The following TRANK1 variants were observed in gnomAD, a reference collection of about 807,000 sequenced individuals.
TRANK1 encodes tetratricopeptide repeat and ankyrin repeat containing 1.
A neutral mutation model predicts 266.0 loss-of-function variants in TRANK1; 198 were observed. That is an observed-to-expected ratio of 0.74 (90% CI 0.66 to 0.84). The LOEUF (loss-of-function observed/expected upper bound fraction) is 0.84. TRANK1 is among the 40% of genes least tolerant of loss of function. TRANK1 has a pLI of 0.00. For missense variants in TRANK1, 3,326 were observed against 3,634.6 expected (o/e 0.92, Z 2.18); for synonymous variants, 1,396 against 1,384.1 (o/e 1.01, Z -0.19).
At chr3:36,912,874 T>C (rs2080072001) in intron 1 of TRANK1, among the ~76,000 whole-genome samples, 2 of 60,462 alleles carry the variant, frequency 3.3e-5, no homozygotes, top group South Asian at 7.5e-4. Flanking sequence ...TTGTTTACTT[T>C]TTTATTTTAT....
intron 6 of TRANK1, 68 bp from the exon 7 acceptor site, chr3:36,892,408 T>C: frequency 6.6e-7 from 1 of 1,508,550 alleles, no homozygotes; most frequent in Non-Finnish European, 8.9e-7. Context: ...CAAACTCCTT[T>C]ACCCATAAAG....
In TRANK1 at chr3:36,855,819, G is replaced by A. The variant is rs1406873952; in HGVS notation, c.3903C>T (p.Tyr1301=). The change falls in exon 13 of 24, where the codon TAC becomes TAT. Residue 1301 remains tyrosine, a synonymous_variant. Coordinates refer to ENST00000645898, the MANE Select transcript of TRANK1 (RefSeq NM_001329998.2). The part of the protein sequence containing the change: ...DEEEAEVDGD[Y]SEEDKAVEMR... ...TTTCTACAGCTTTATCCTCCTCACT[G>A]TAGTCCCCATCCACCTCAGCCTCCT... 3 of 1,613,532 alleles carry A rather than the reference G, an allele frequency of 1.9e-6. No individual in the cohort carries two copies. Among genetic ancestry groups the A allele is most frequent in the Admixed American group, 3.3e-5 (2 of 59,946 alleles).
rs1270683765 is a variant in TRANK1 at position 36,895,692 on chromosome 3, G to A, written c.500C>T (p.Thr167Ile). The A allele has an allele frequency of 6.5e-7, 1 of 1,536,546 alleles. No individual in the cohort carries two copies. The highest frequency in any genetic ancestry group is 8.7e-7 in the Non-Finnish European group (1 of 1,146,750). Reference sequence around the variant, plus strand: ...TTCTATTACAGATTGCCACACTTCTGTTGGGAATCCAGTTGTGAAAATATG... The same window carrying A: ...TTCTATTACAGATTGCCACACTTCTATTGGGAATCCAGTTGTGAAAATATG... ...FDHIFTTGFP[T>I]EVWQSVIEKL... Residue 167 changes from threonine to isoleucine, a missense_variant, in exon 5 of 24, where the codon ACA (threonine) becomes ATA (isoleucine). Thr to Ile is a moderately conservative substitution (Grantham distance 89). Transcript: ENST00000645898.
intron 20 of TRANK1, among the ~76,000 whole-genome samples, chr3:36,837,987 G>A (rs1322758201): frequency 4.6e-5 from 7 of 152,084 alleles, no homozygotes; most frequent in South Asian, 2.1e-4. Context: ...GAACACAGCC[G>A]AGGAACCTCC....
chr3:36,850,184 C>T (rs1032751949), intron 15 of TRANK1: 2 of 985,306 alleles, frequency 2.0e-6, no homozygotes, highest in Admixed American at 1.2e-4. Context: ...CTCAGTCCAA[C>T]CATGACCGAT....
intron 8 of TRANK1, among the ~76,000 whole-genome samples, chr3:36,886,523 A>C (rs1469877889): frequency 6.6e-6 from 1 of 152,218 alleles, no homozygotes; most frequent in African/African-American, 2.4e-5. Flanking sequence ...TTAGAGTGTA[A>C]GCCACATATG....
chr3:36,829,634 G>A lies in TRANK1; in HGVS notation c.8739C>T (p.Asn2913=). The change falls in exon 23 of 24, where the codon AAC becomes AAT. Residue 2913 remains asparagine (N), a synonymous_variant. Transcript: ENST00000645898. Reference sequence around the variant, plus strand: ...CATCCCTGACTGACAGGATCAGAATGTTGACCAGCCGAGTCATCGCCTCCT... The same window carrying A: ...CATCCCTGACTGACAGGATCAGAATATTGACCAGCCGAGTCATCGCCTCCT... The part of the protein sequence containing the change: ...GAEEAMTRLV[N]ILILSVRDAR... 8.7e-6 allele frequency: 14 copies of A among 1,613,948 alleles called. No individual in the cohort carries two copies. Among genetic ancestry groups the A allele is most frequent in the Non-Finnish European group, 1.2e-5 (14 of 1,179,892 alleles).
chr3:36,902,020 A>T (rs1227593848), intron 3 of TRANK1, among the ~76,000 whole-genome samples: 1 of 152,194 alleles, frequency 6.6e-6, no homozygotes, highest in African/African-American at 2.4e-5. Context: ...TCTAAAGCAG[A>T]GGTATCCAAT....
chr3:36,866,592 G>A (rs2079231118), intron 9 of TRANK1, among the ~76,000 whole-genome samples: 1 of 152,210 alleles, frequency 6.6e-6, no homozygotes, highest in Non-Finnish European at 1.5e-5. Context: ...AGTGGTCCCT[G>A]TGCAAGGCAA....
intron 1 of TRANK1, among the ~76,000 whole-genome samples, 164 bp downstream of exon 1, chr3:36,944,623 G>A (rs932612733): frequency 6.6e-6 from 1 of 152,120 alleles, no homozygotes; most frequent in African/African-American, 2.4e-5. Flanking sequence ...CAACTGGCTC[G>A]GGTCTGCACC....
rs775876620 is a variant in TRANK1 at position 36,857,841 on chromosome 3, C to T, written c.1881G>A (p.Glu627=). ...TAATCCGGTGCCGTGCATCTTTGCC[C>T]TCTTTGTTCTTCAGATTGAAGTTGA... is the stretch of plus-strand genomic sequence containing the variant. ...FDINFNLKNK[E]GKDARHRIKK... The change falls in exon 13 of 24, where the codon GAG becomes GAA. Residue 627 remains glutamate (E), a synonymous_variant. Transcript: ENST00000645898. This position sits in a 1 kb window ranked among gnomAD's most constrained non-coding sequence, Gnocchi z 4.3. The T allele has an allele frequency of 1.9e-6, 3 of 1,613,886 alleles. No individual in the cohort carries two copies. The highest frequency in any genetic ancestry group is 2.2e-5 in the South Asian group (2 of 91,084).
chr3:36,881,932 A>C (rs1206062176), intron 8 of TRANK1, among the ~76,000 whole-genome samples: 1 of 152,264 alleles, frequency 6.6e-6, no homozygotes, highest in African/African-American at 2.4e-5. Context: ...CTTCCTTTTT[A>C]TGGTTGAATA....
chr3:36,936,177 C>T (rs1432721260), intron 1 of TRANK1, among the ~76,000 whole-genome samples: 1 of 152,084 alleles, frequency 6.6e-6, no homozygotes, highest in Non-Finnish European at 1.5e-5. Context: ...AAAACAGTAG[C>T]ATTTGCACGC....
chr3:36,889,292 C>G (rs183206266), intron 8 of TRANK1, among the ~76,000 whole-genome samples: 2 of 152,280 alleles, frequency 1.3e-5, no homozygotes, highest in Admixed American at 1.3e-4. Flanking sequence ...AGAGTGAACA[C>G]AGCCTTCCTG....
chr3:36,829,864 A>G (rs968653757), intron 22 of TRANK1, among the ~76,000 whole-genome samples: 6 of 152,136 alleles, frequency 3.9e-5, no homozygotes, highest in African/African-American at 9.7e-5. Context: ...GCCTGACACC[A>G]TTACTGTCTG....
intron 8 of TRANK1, among the ~76,000 whole-genome samples, chr3:36,887,588 C>T (rs2079625237): frequency 6.6e-6 from 1 of 152,188 alleles, no homozygotes; most frequent in African/African-American, 2.4e-5. Flanking sequence ...TTTCTTAAAA[C>T]ATTGTGAGAT....
rs552378953 is a variant in TRANK1, at chr3:36,939,776, C to A, written c.23+5011G>T. 2.0e-5 allele frequency among the ~76,000 whole-genome samples: 3 copies of A among 152,242 alleles called. No individual in the cohort carries two copies. In the South Asian group the frequency reaches 6.2e-4, roughly 32 times the overall value. ...AGGTACATCTGTAAAATGGTACTTG[C>A]TCAAAATATTTATGTGGGAATTAAA... On this transcript the variant is annotated intron_variant, in intron 1 of 23. Transcript: ENST00000645898.
intron 1 of TRANK1, among the ~76,000 whole-genome samples, chr3:36,908,906 T>A (rs2080012802): frequency 6.6e-6 from 1 of 152,222 alleles, no homozygotes; most frequent in South Asian, 2.1e-4. Flanking sequence ...ATTTCCCATT[T>A]CTGACCCCAG....
Position 36,855,742 on chromosome 3 carries a change from T to C in TRANK1, c.3980A>G (p.Lys1327Arg), listed in dbSNP as rs1030884117. 5 of 1,613,670 alleles carry C rather than the reference T, an allele frequency of 3.1e-6. No individual in the cohort carries two copies. In the East Asian group the frequency reaches 6.7e-5, roughly 22 times the overall value. The change falls in exon 13 of 24, where the codon AAA (lysine) becomes AGA (arginine). Residue 1327 changes from lysine to arginine, a missense_variant. By Grantham distance (26) the Lys-to-Arg change is conservative (BLOSUM62 2). Coordinates refer to ENST00000645898, the MANE Select transcript of TRANK1 (RefSeq NM_001329998.2). ...PRVYVTFEVF[K>R]NEIWPKMTKG... ...GGTCATTTTGGGCCATATTTCATTTTTGAACACCTCAAACGTCACGTACAC... is the reference window on the plus strand; with the variant it reads ...GGTCATTTTGGGCCATATTTCATTTCTGAACACCTCAAACGTCACGTACAC...
Sources: gnomAD v4.1 joint callset for allele counts (sites outside exome capture counted in the v4.1 genomes callset) on GRCh38, gnomAD v4.1.1 for gene constraint, Gnocchi (gnomAD v3.1) non-coding constraint, MANE v1.5 for transcripts, NCBI Gene and HGNC (gene_info 2026-07-23, HGNC 2026-07-21) for gene names.